Variants in NFIA observed in about 807,000 individuals in gnomAD.
The protein encoded by NFIA is nuclear factor I A.
A neutral mutation model predicts 62.8 loss-of-function variants in NFIA; 8 were observed. The ratio of observed to expected loss-of-function variants is 0.13; its 90% CI spans 0.07 to 0.23. The LOEUF (loss-of-function observed/expected upper bound fraction) is 0.23. Ranked by LOEUF, NFIA falls within the 10% of genes least tolerant of loss-of-function variation. The probability of loss-of-function intolerance (pLI) is 1.00; values close to 1 mark genes in which losing one functional copy is unlikely to be tolerated. For missense variants in NFIA, 410 were observed against 642.1 expected (o/e 0.64, Z 3.91); for synonymous variants, 235 against 238.1 (o/e 0.99, Z 0.12).
At chr1:61,187,729 CATTTAATGTTT>C (rs1651298176) in intron 2 of NFIA, among the ~76,000 whole-genome samples, 1 of 152,212 alleles carries the variant, frequency 6.6e-6, no homozygotes. Flanking sequence ...TTTTAAAAAG[CATTTAATGTTT>C]TCCCTGCCTT....
In NFIA at chr1:61,200,034, A is replaced by G. The variant is rs868562044; in HGVS notation, c.560-77486A>G. Among the ~76,000 whole-genome samples, 105 of 54,860 alleles carry G rather than the reference A, an allele frequency of 1.9e-3. 1 individual carries two copies. The highest frequency in any genetic ancestry group is 5.6e-3 in the African/African-American group (70 of 12,536). 36.0% of individuals were successfully genotyped at this position (54,860 alleles called of 152,430 possible). A position where few individuals can be genotyped will look rare whatever the true frequency, so the allele number is the denominator to read the frequency against. ...TGTATATATATATATATATATATAT[A>G]TATATATATATATATATATATATAT... is the stretch of plus-strand genomic sequence containing the variant. On this transcript the variant is annotated intron_variant, in intron 2 of 10. Transcript: ENST00000403491.
chr1:61,101,526 C>T (rs1646508781), intron 2 of NFIA, among the ~76,000 whole-genome samples: 1 of 151,644 alleles, frequency 6.6e-6, no homozygotes, highest in Non-Finnish European at 1.5e-5. Context: ...AAACAAATAG[C>T]GTTATAGGAA....
At chr1:61,139,563 G>T (rs765708621) in intron 2 of NFIA, among the ~76,000 whole-genome samples, 2 of 152,158 alleles carry the variant, frequency 1.3e-5, no homozygotes, top group Non-Finnish European at 2.9e-5. Context: ...GTTAGTAGCT[G>T]ATACAGATCA....
intron 2 of NFIA, among the ~76,000 whole-genome samples, chr1:61,140,965 GTTTTTTT>G (rs35173386): frequency 1.1e-5 from 1 of 88,600 alleles, no homozygotes; most frequent in Non-Finnish European, 2.1e-5. Flanking sequence ...CCACAGCTGG[GTTTTTTT>G]TTTTTTTTTT....
At chr1:61,166,603 A>G (rs998283620) in intron 2 of NFIA, among the ~76,000 whole-genome samples, 2 of 149,574 alleles carry the variant, frequency 1.3e-5, no homozygotes, top group African/African-American at 2.4e-5. Context: ...CCTGGGAGTC[A>G]TAGGTTTCTT....
chr1:61,285,063 A>G (rs1049935817), intron 3 of NFIA, among the ~76,000 whole-genome samples: 1 of 152,236 alleles, frequency 6.6e-6, no homozygotes, highest in Non-Finnish European at 1.5e-5. Context: ...AATTGGGCTC[A>G]AAAAGGAAAT....
At chr1:61,334,555 GTATATATATA>G (rs56259392) in intron 4 of NFIA, among the ~76,000 whole-genome samples, 5,498 of 97,330 alleles carry the variant, frequency 0.056, 631 homozygotes, top group East Asian at 0.1. Flanking sequence ...GTGTGTGTGT[GTATATATATA>G]TATATATATA....
chr1:61,238,096 T>C lies in NFIA; in HGVS notation c.560-39424T>C, dbSNP rs541454107. On this transcript the variant is annotated intron_variant, in intron 2 of 10. Transcript: ENST00000403491. ...ATCCAAGTAAATGATCCTCAACCAATTCAAGATTATGTGATTAAGACCCCA... is the reference window on the plus strand; with the variant it reads ...ATCCAAGTAAATGATCCTCAACCAACTCAAGATTATGTGATTAAGACCCCA... 2.6e-5 allele frequency among the ~76,000 whole-genome samples: 4 copies of C among 152,310 alleles called. No individual in the cohort carries two copies. In the East Asian group the frequency reaches 5.8e-4, roughly 22 times the overall value.
intron 2 of NFIA, among the ~76,000 whole-genome samples, chr1:61,272,550 A>G (rs943821812): frequency 2.6e-5 from 4 of 152,196 alleles, no homozygotes; most frequent in Non-Finnish European, 5.9e-5. Flanking sequence ...CTCTATTACA[A>G]CCTTATAGAT....
intron 2 of NFIA, among the ~76,000 whole-genome samples, chr1:61,150,951 C>G (rs1226832388): frequency 1.3e-5 from 2 of 152,092 alleles, no homozygotes; most frequent in South Asian, 2.1e-4. Flanking sequence ...GTTTCCCAGA[C>G]AGTTTTCAAA....
chr1:61,277,518 A>G lies in NFIA; in HGVS notation c.560-2A>G, dbSNP rs1657877792. On this transcript the variant is annotated splice_acceptor_variant, in intron 2 of 10. Coordinates refer to ENST00000403491, the MANE Select transcript of NFIA (RefSeq NM_001134673.4). LOFTEE classifies it high-confidence loss of function. ...TTTTGGCTGTATTTTTATGTTTTTC[A>G]GATTCAAGTCAATCTGAAAGTCCCA... The G allele has an allele frequency of 6.2e-7, 1 of 1,613,312 alleles. No individual in the cohort carries two copies. The highest frequency in any genetic ancestry group is 8.5e-7 in the Non-Finnish European group (1 of 1,179,632).
chr1:61,389,746 T>TG (rs1312509292), intron 7 of NFIA, among the ~76,000 whole-genome samples: 2 of 150,704 alleles, frequency 1.3e-5, no homozygotes, highest in South Asian at 2.1e-4. Context: ...CACACTGAGT[T>TG]TTTTTTTTTT....
chr1:61,210,969 G>A (rs559985256), intron 2 of NFIA, among the ~76,000 whole-genome samples: 7 of 152,316 alleles, frequency 4.6e-5, no homozygotes, highest in Admixed American at 3.9e-4. Flanking sequence ...GGCTGAACTG[G>A]CATCATTTCA....
intron 6 of NFIA, among the ~76,000 whole-genome samples, chr1:61,375,281 G>A (rs1266657916): frequency 6.6e-6 from 1 of 152,096 alleles, no homozygotes; most frequent in Admixed American, 6.6e-5. Flanking sequence ...ATTCATGCTG[G>A]GCTTGAGAAA....
intron 7 of NFIA, among the ~76,000 whole-genome samples, chr1:61,402,033 CTTTTTTTTTTT>C (rs10636290): frequency 2.1e-5 from 2 of 94,568 alleles, no homozygotes; most frequent in African/African-American, 8.1e-5. Context: ...ACTCATTTTT[CTTTTTTTTTTT>C]TTTTTTTTTT....
At chr1:61,358,138 A>G (rs967432874) in intron 5 of NFIA, among the ~76,000 whole-genome samples, 4 of 152,168 alleles carry the variant, frequency 2.6e-5, no homozygotes, top group Admixed American at 2.0e-4. Context: ...GAGAAAGCAC[A>G]TAAAAGTCAT....
intron 2 of NFIA, among the ~76,000 whole-genome samples, chr1:61,179,843 A>T (rs568125438): frequency 5.3e-4 from 80 of 152,216 alleles, no homozygotes; most frequent in Non-Finnish European, 9.7e-4. Flanking sequence ...GTTGATTTTG[A>T]TTGGATTTAC....
intron 3 of NFIA, among the ~76,000 whole-genome samples, chr1:61,324,252 A>G (rs561465495): frequency 6.6e-5 from 10 of 152,328 alleles, no homozygotes; most frequent in Non-Finnish European, 1.0e-4. Flanking sequence ...AGGCAGTCCA[A>G]AATCCTTCTG....
At chr1:61,136,094 C>T (rs1277406660) in intron 2 of NFIA, among the ~76,000 whole-genome samples, 2 of 152,186 alleles carry the variant, frequency 1.3e-5, no homozygotes, top group African/African-American at 4.8e-5. Flanking sequence ...GCATTCTTTT[C>T]GGAAACCTGA....
Sources: gnomAD v4.1 joint callset for allele counts (sites outside exome capture counted in the v4.1 genomes callset) on GRCh38, gnomAD v4.1.1 for gene constraint, MANE v1.5 for transcripts, NCBI Gene and HGNC (gene_info 2026-07-23, HGNC 2026-07-21) for gene names.